RAD54L: variants seen among roughly 807,000 people sequenced by gnomAD.
RAD54L encodes RAD54 like.
Under a neutral mutation model 91.6 loss-of-function variants are expected in RAD54L, and 74 were observed. The observed-to-expected ratio is 0.81, with a 90% CI of 0.67 to 0.98. The LOEUF (loss-of-function observed/expected upper bound fraction) is 0.98. Among genes scored for constraint, RAD54L ranks in the 50% least tolerant of loss-of-function variants. The pLI is 0.00. For missense variants in RAD54L, 887 were observed against 945.7 expected (o/e 0.94, Z 0.81); for synonymous variants, 304 against 349.7 (o/e 0.87, Z 1.46).
Position 46,267,395 on chromosome 1 carries a change from A to T in RAD54L, c.892-64A>T, listed in dbSNP as rs527819312. 5.4e-5 allele frequency: 87 copies of T among 1,607,562 alleles called. 1 individual carries two copies. In the South Asian group the frequency reaches 8.8e-4, roughly 16 times the overall value. On this transcript the variant is annotated intron_variant, in intron 8 of 17. Transcript: ENST00000371975. ...GTTTTTGACTCCTCTTTTCCTGTCTACATGAGACTTTGCTACCGTATAGGG... is the reference window on the plus strand; with the variant it reads ...GTTTTTGACTCCTCTTTTCCTGTCTTCATGAGACTTTGCTACCGTATAGGG...
intron 3 of RAD54L, among the ~76,000 whole-genome samples, chr1:46,256,919 G>A (rs1401852068): frequency 2.0e-5 from 3 of 152,052 alleles, no homozygotes; most frequent in Non-Finnish European, 2.9e-5. Context: ...CAAGGTGGAC[G>A]GATCACTTGA....
intron 3 of RAD54L, among the ~76,000 whole-genome samples, chr1:46,253,858 T>G (rs1448686965): frequency 6.6e-6 from 1 of 151,122 alleles, no homozygotes; most frequent in Non-Finnish European, 1.5e-5. Context: ...AACACTGCAC[T>G]TAGAGAGCGA....
At chr1:46,270,536 T>G in intron 9 of RAD54L, 123 bp from the exon 10 acceptor site, 2 of 1,298,258 alleles carry the variant, frequency 1.5e-6, no homozygotes, top group Non-Finnish European at 1.1e-6. Flanking sequence ...AATTGGCCTA[T>G]ATTTTGTTTA....
At chr1:46,250,811 C>A (rs1240890934) in intron 3 of RAD54L, among the ~76,000 whole-genome samples, 1 of 143,952 alleles carries the variant, frequency 6.9e-6, no homozygotes, top group African/African-American at 2.6e-5. Context: ...CCCGTCTCTA[C>A]TAAAAATACA....
intron 3 of RAD54L, among the ~76,000 whole-genome samples, chr1:46,257,016 TGCCTGTAGTCCCA>T (rs369920282): frequency 1.9e-3 from 294 of 151,994 alleles, no homozygotes; most frequent in African/African-American, 6.5e-3. Context: ...TGGTGGCGTG[TGCCTGTAGTCCCA>T]GCTACTTGGG....
Position 46,248,236 on chromosome 1 carries a change from C to T in RAD54L, c.-170C>T. 1 of 859,424 alleles carries T rather than the reference C, an allele frequency of 1.2e-6. No homozygotes were observed. Among genetic ancestry groups the T allele is most frequent in the Non-Finnish European group, 1.9e-6 (1 of 520,708 alleles). 53.2% of individuals were successfully genotyped at this position (859,424 alleles called of 1,614,324 possible). Reference sequence around the variant, plus strand: ...ACTCTCACAGTTTGGTTCCAAACACCAGTTCCTGGATGGATTCCCGCCATC... The same window carrying T: ...ACTCTCACAGTTTGGTTCCAAACACTAGTTCCTGGATGGATTCCCGCCATC... On this transcript the variant is annotated 5_prime_UTR_variant, in exon 1 of 18. Coordinates refer to ENST00000371975, the MANE Select transcript of RAD54L (RefSeq NM_003579.4).
At chr1:46,256,020 G>T (rs1034036359) in intron 3 of RAD54L, among the ~76,000 whole-genome samples, 2 of 152,026 alleles carry the variant, frequency 1.3e-5, no homozygotes, top group South Asian at 2.1e-4. Flanking sequence ...TTTTAGAATT[G>T]ATGCCAAATT....
At chr1:46,250,222 A>AG in intron 3 of RAD54L, 103 bp downstream of exon 3, 1 of 1,499,108 alleles carries the variant, frequency 6.7e-7, no homozygotes, top group Non-Finnish European at 9.2e-7. Flanking sequence ...TAGAGTGGCC[A>AG]GAAGACACAC....
chr1:46,269,254 T>C (rs756265770), intron 9 of RAD54L, among the ~76,000 whole-genome samples: 5 of 152,198 alleles, frequency 3.3e-5, no homozygotes, highest in Non-Finnish European at 5.9e-5. Flanking sequence ...CTCTGCTTTA[T>C]TTACTGTGGC....
chr1:46,250,271 C>G, intron 3 of RAD54L, 152 bp downstream of exon 3: 3 of 1,099,840 alleles, frequency 2.7e-6, no homozygotes, highest in South Asian at 1.3e-5. Context: ...GCTGCTGGGG[C>G]CTGCTTAGAG....
intron 10 of RAD54L, among the ~76,000 whole-genome samples, chr1:46,271,114 G>A (rs988106433): frequency 2.0e-5 from 3 of 152,174 alleles, no homozygotes; most frequent in Non-Finnish European, 4.4e-5. Context: ...TCTCAGACCC[G>A]AAACATTAGG....
chr1:46,259,139 G>T (rs1265373077), intron 4 of RAD54L, among the ~76,000 whole-genome samples: 1 of 151,802 alleles, frequency 6.6e-6, no homozygotes, highest in Non-Finnish European at 1.5e-5. Flanking sequence ...TAAAACTGGG[G>T]CTTGGAGGAA....
chr1:46,261,310 C>A lies in RAD54L; in HGVS notation c.816C>A (p.Ile272=), dbSNP rs762075828. Residue 272 remains isoleucine, a synonymous_variant, in exon 8 of 18, where the codon ATC becomes ATA. Transcript: ENST00000371975. ...CCAGGGTGTCTTCTCCCATCCTCAT[C>A]ATTTCCTATGAGACCTTCCGCCTTC... ...RGARVSSPIL[I]ISYETFRLHV... 1.2e-6 allele frequency: 2 copies of A among 1,613,280 alleles called. No homozygotes were observed. Among genetic ancestry groups the A allele is most frequent in the Non-Finnish European group, 1.7e-6 (2 of 1,179,828 alleles).
At chr1:46,250,755 A>C (rs1029995476) in intron 3 of RAD54L, among the ~76,000 whole-genome samples, 1 of 152,168 alleles carries the variant, frequency 6.6e-6, no homozygotes, top group Non-Finnish European at 1.5e-5. Flanking sequence ...TGGGTGGATC[A>C]ACTGAGGTTA....
chr1:46,267,469 T>C lies in RAD54L; in HGVS notation c.902T>C (p.Leu301Pro). The stretch of plus-strand genomic sequence containing the variant: ...AGGATTCTCTTGCAGGGACACAGGC[T>C]CAAGAACTCTGAGAATCAGACTTAC... ...GLVICDEGHR[L>P]KNSENQTYQA... The change falls in exon 9 of 18, where the codon CTC becomes CCC. Residue 301 changes from leucine to proline, a missense_variant. Leu to Pro is a moderately conservative substitution (Grantham distance 98). Transcript: ENST00000371975. 1 of 1,614,052 alleles carries C rather than the reference T, an allele frequency of 6.2e-7. No homozygotes were observed. The highest frequency in any genetic ancestry group is 8.5e-7 in the Non-Finnish European group (1 of 1,180,038).
At chr1:46,259,535 G>T (rs779897645) in intron 4 of RAD54L, among the ~76,000 whole-genome samples, 3 of 152,158 alleles carry the variant, frequency 2.0e-5, no homozygotes, top group Admixed American at 2.0e-4. Context: ...CACTTTGGGA[G>T]GCCAAGGCGG....
intron 13 of RAD54L, 43 bp downstream of exon 13, chr1:46,273,508 GGTGGGAGATTTTTTTTT>G: frequency 6.2e-7 from 1 of 1,610,776 alleles, no homozygotes; most frequent in Non-Finnish European, 8.5e-7. Flanking sequence ...CTAGGAGGAG[GGTGGGAGATTTTTTTTT>G]GTGCTAGGGC....
intron 3 of RAD54L, among the ~76,000 whole-genome samples, chr1:46,253,720 C>CTTTTTTTTTTTTTTTTTTTTT (rs3063981): frequency 2.4e-5 from 2 of 83,596 alleles, no homozygotes; most frequent in Admixed American, 1.8e-4. Flanking sequence ...CTTAGGTACT[C>CTTTTTTTTTTTTTTTTTTTTT]TTTTTTTTTT....
rs780869836 is a variant in RAD54L, at chr1:46,274,595, A to T, written c.1747A>T (p.Ile583Phe). The change falls in exon 16 of 18, where the codon ATT becomes TTT. Residue 583 changes from isoleucine to phenylalanine, a missense_variant. Ile to Phe is a conservative substitution (Grantham distance 21, BLOSUM62 0). Transcript: ENST00000371975. ...AGCTGGGGGCTGTGGCCTCAATCTC[A>T]TTGGGGCTAACCGGCTGGTCATGTT... ...SKAGGCGLNL[I>F]GANRLVMFDP... 10 of 1,613,300 alleles carry T rather than the reference A, an allele frequency of 6.2e-6. No individual in the cohort carries two copies. The South Asian group carries it at 7.7e-5, about 12-fold the overall frequency.
Sources: allele counts gnomAD v4.1 joint callset (sites outside exome capture counted in the v4.1 genomes callset), GRCh38; gene constraint gnomAD v4.1.1; transcripts MANE v1.5; gene names NCBI Gene and HGNC (gene_info 2026-07-23, HGNC 2026-07-21).